The following C7 variants were observed in gnomAD, a reference collection of about 807,000 sequenced individuals.
C7 encodes the protein complement component C7.
A neutral mutation model predicts 104.8 loss-of-function variants in C7; 83 were observed. That is an observed-to-expected ratio of 0.79 (90% CI 0.66 to 0.95). The LOEUF is 0.95. C7 is among the 40% of genes least tolerant of loss of function. The probability of loss-of-function intolerance (pLI) is 0.00; values close to 1 mark genes in which losing one functional copy is unlikely to be tolerated. For synonymous variants in C7, 415 were observed against 360.6 expected, an observed-to-expected ratio of 1.15 and a Z score of -1.71; for missense variants, 1,070 against 1,011.2, an observed-to-expected ratio of 1.06 and a Z score of -0.79.
chr5:40,978,008 C>CT (rs1030982562), intron 16 of C7, among the ~76,000 whole-genome samples: 4 of 151,900 alleles, frequency 2.6e-5, no homozygotes, highest in Non-Finnish European at 4.4e-5. Flanking sequence ...GTGACTCACT[C>CT]TTGTAGTCCC....
In C7 at chr5:40,983,413, T is replaced by G. The variant is rs1199808808; in HGVS notation, c.*1840T>G. On this transcript the variant is annotated 3_prime_UTR_variant, in exon 18 of 18. Transcript: ENST00000313164. ...TATCACATATCATCAGAGATTGAGG[T>G]TTGAAAGAAAGGAAATGAGTAGATG... 6.6e-6 allele frequency among the ~76,000 whole-genome samples: 1 copy of G among 152,002 alleles called. No individual in the cohort carries two copies. The highest frequency in any genetic ancestry group is 2.4e-5 in the African/African-American group (1 of 41,368).
intron 14 of C7, among the ~76,000 whole-genome samples, chr5:40,970,516 T>C (rs1330070262): frequency 6.6e-6 from 1 of 152,118 alleles, no homozygotes; most frequent in East Asian, 1.9e-4. Context: ...TTTAGCTGGG[T>C]GTGGTGGCAT....
chr5:40,927,254 T>C (rs1739572828), intron 1 of C7, among the ~76,000 whole-genome samples: 1 of 152,078 alleles, frequency 6.6e-6, no homozygotes, highest in Admixed American at 6.6e-5. Context: ...CTACTCAGAA[T>C]GGGATGAAGC....
chr5:40,943,206 C>A (rs1013459188), intron 6 of C7, among the ~76,000 whole-genome samples: 2 of 152,106 alleles, frequency 1.3e-5, no homozygotes, highest in African/African-American at 4.8e-5. Flanking sequence ...AGTGAAAAAA[C>A]TGAAAGTATT....
At chr5:40,921,049 CAA>C (rs34006222) in intron 1 of C7, among the ~76,000 whole-genome samples, 32,811 of 126,228 alleles carry the variant, frequency 0.26, 3,734 homozygotes, top group East Asian at 0.35. Context: ...ACTCTGTCTC[CAA>C]AAAAAAAAAA....
Position 40,983,808 on chromosome 5 carries a change from A to G in C7, c.*2235A>G, listed in dbSNP as rs62357090. Among the ~76,000 whole-genome samples the G allele has an allele frequency of 0.29, 44,298 of 151,910 alleles. 7,335 individuals carry two copies. Among genetic ancestry groups the G allele is most frequent in the East Asian group, 0.61 (3,117 of 5,122 alleles). Reference sequence around the variant, plus strand: ...AAAAATAAATGGAAAAAGAATAAAGACTGTGAGAATTCCATCTTCCTGCCC... The same window carrying G: ...AAAAATAAATGGAAAAAGAATAAAGGCTGTGAGAATTCCATCTTCCTGCCC... On this transcript the variant is annotated 3_prime_UTR_variant, in exon 18 of 18. Coordinates refer to ENST00000313164, the MANE Select transcript of C7 (RefSeq NM_000587.4).
At chr5:40,970,888 A>G (rs897093812) in intron 14 of C7, among the ~76,000 whole-genome samples, 2 of 152,064 alleles carry the variant, frequency 1.3e-5, no homozygotes, top group Non-Finnish European at 2.9e-5. Context: ...GCTGAGGATG[A>G]TGGTTTCCAG....
intron 1 of C7, among the ~76,000 whole-genome samples, chr5:40,918,654 T>C (rs1739375424): frequency 6.7e-6 from 1 of 149,552 alleles, no homozygotes; most frequent in East Asian, 2.0e-4. Context: ...ACTATACTTA[T>C]ATAAGACAAA....
At chr5:40,933,343 G>A (rs925337459) in intron 3 of C7, among the ~76,000 whole-genome samples, 5 of 152,158 alleles carry the variant, frequency 3.3e-5, no homozygotes, top group Admixed American at 6.6e-5. Context: ...TCCTCAGGAC[G>A]CTCAGTTTTG....
intron 7 of C7, among the ~76,000 whole-genome samples, chr5:40,947,097 A>ATTT (rs70988819): frequency 7.9e-6 from 1 of 127,196 alleles, no homozygotes; most frequent in African/African-American, 2.9e-5. Flanking sequence ...CATTACTCAG[A>ATTT]TTTTTTTTTT....
At chr5:40,980,245 A>G (rs938182911) in intron 17 of C7, 2 of 187,176 alleles carry the variant, frequency 1.1e-5, no homozygotes, top group African/African-American at 4.7e-5. Context: ...ATAACTTAAA[A>G]ATGAAAACTT....
intron 1 of C7, among the ~76,000 whole-genome samples, chr5:40,918,052 A>C (rs560846719): frequency 4.6e-5 from 7 of 152,340 alleles, no homozygotes; most frequent in African/African-American, 1.7e-4. Flanking sequence ...ACAAAGCAAA[A>C]ATCTTTAGTA....
chr5:40,959,934 A>G (rs1049008349), intron 12 of C7, among the ~76,000 whole-genome samples: 1 of 152,228 alleles, frequency 6.6e-6, no homozygotes, highest in African/African-American at 2.4e-5. Context: ...CTCTAAAATT[A>G]GCATGATAAT....
intron 14 of C7, 44 bp downstream of exon 14, chr5:40,964,917 G>T: frequency 1.2e-6 from 2 of 1,604,008 alleles, no homozygotes; most frequent in African/African-American, 1.3e-5. Flanking sequence ...AGAAAATTAC[G>T]TGGAAGAGAA....
chr5:40,934,336 G>A lies in C7; in HGVS notation c.150G>A (p.Arg50=), dbSNP rs761450669. The A allele has an allele frequency of 1.3e-6, 2 of 1,597,744 alleles. No homozygotes were observed. Among genetic ancestry groups the A allele is most frequent in the South Asian group, 2.3e-5 (2 of 87,346 alleles). The change falls in exon 4 of 18, where the codon CGG becomes CGA. Residue 50 remains arginine (R), a synonymous_variant. Coordinates refer to ENST00000313164, the MANE Select transcript of C7 (RefSeq NM_000587.4). ...NGCTKTQTRR[R]SVAVYGQYGG... is the part of the protein sequence containing the mutation. ...TGCTTTGTGTTTAGACTCGCAGGCG[G>A]TCAGTTGCTGTGTATGGGCAGTATG...
intron 16 of C7, among the ~76,000 whole-genome samples, chr5:40,977,358 T>C (rs1740841738): frequency 6.6e-6 from 1 of 152,168 alleles, no homozygotes; most frequent in South Asian, 2.1e-4. Flanking sequence ...AGGATAGAGA[T>C]GGCACAATTA....
At chr5:40,976,040 A>G (rs781502862) in intron 15 of C7, among the ~76,000 whole-genome samples, 3 of 152,232 alleles carry the variant, frequency 2.0e-5, no homozygotes, top group Non-Finnish European at 4.4e-5. Context: ...AAGTTGGACC[A>G]CGGTGTTTAC....
chr5:40,944,885 T>C (rs1367802124), intron 6 of C7, among the ~76,000 whole-genome samples: 1 of 152,248 alleles, frequency 6.6e-6, no homozygotes, highest in Admixed American at 6.5e-5. Flanking sequence ...TCTGTCAGTG[T>C]AGCTTTTGTT....
intron 1 of C7, among the ~76,000 whole-genome samples, chr5:40,913,925 C>T (rs575721867): frequency 8.5e-5 from 13 of 152,194 alleles, no homozygotes; most frequent in South Asian, 4.1e-4. Context: ...ATGATTTGCC[C>T]GCCTCAGCCT....
Sources: allele counts gnomAD v4.1 joint callset (sites outside exome capture counted in the v4.1 genomes callset), GRCh38; gene constraint gnomAD v4.1.1; transcripts MANE v1.5; gene names NCBI Gene and HGNC (gene_info 2026-07-23, HGNC 2026-07-21).